ROBO2: variants seen among roughly 807,000 people sequenced by gnomAD.
ROBO2 encodes roundabout guidance receptor 2.
A neutral mutation model predicts 160.8 loss-of-function variants in ROBO2; 53 were observed. The ratio of observed to expected loss-of-function variants is 0.33; its 90% confidence interval spans 0.26 to 0.41. The LOEUF (loss-of-function observed/expected upper bound fraction) is 0.41, where lower values mean the gene tolerates loss of function less well. Ranked by LOEUF, ROBO2 falls within the 10% of genes least tolerant of loss-of-function variation. The pLI, the probability that ROBO2 is intolerant of heterozygous loss-of-function variation, is 1.00. For synonymous variants in ROBO2, 664 were observed against 611.7 expected (o/e 1.09, Z -1.26); for missense variants, 1,577 against 1,722.4 (o/e 0.92, Z 1.49).
chr3:76,410,511 C>CAT (rs2075431687), intron 2 of ROBO2, among the ~76,000 whole-genome samples: 1 of 152,096 alleles, frequency 6.6e-6, no homozygotes, highest in Admixed American at 6.6e-5. Context: ...TTTCACAGAT[C>CAT]TAATCTGCAT....
At chr3:77,220,463 A>T (rs62253268) in intron 2 of ROBO2, among the ~76,000 whole-genome samples, 4,192 of 152,272 alleles carry the variant, frequency 0.028, 65 homozygotes, top group Middle Eastern at 0.055. Context: ...AATGCTTTAC[A>T]TATATTAAAA....
intron 4 of ROBO2, 94 bp from the exon 5 acceptor site, chr3:77,493,150 A>G (rs1398147224): frequency 7.3e-7 from 1 of 1,377,118 alleles, no homozygotes; most frequent in South Asian, 1.2e-5. Flanking sequence ...GTGTACCAAA[A>G]GTAAATTAGG....
chr3:77,520,532 C>T (rs971901836), intron 5 of ROBO2, among the ~76,000 whole-genome samples: 20 of 151,008 alleles, frequency 1.3e-4, no homozygotes. Context: ...CTTTTATTAA[C>T]TTGGAATCAT....
At position 77,328,693 on chromosome 3, in the gene ROBO2, C is replaced by T. The variant is rs189971022; in HGVS notation, c.389-148721C>T. On this transcript the variant is annotated intron_variant, in intron 2 of 25. Coordinates refer to ENST00000461745, the Ensembl canonical transcript of ROBO2. ...TTCAGAACCTTTTCACATTGCATTG[C>T]CCCTGTTAATGTTTCACAACACTTT... Among the ~76,000 whole-genome samples the T allele has an allele frequency of 1.2e-3, 186 of 152,060 alleles. 1 individual carries two copies. The highest frequency in any genetic ancestry group is 4.0e-3 in the African/African-American group (167 of 41,494).
chr3:77,282,004 G>T (rs558046062), intron 2 of ROBO2, among the ~76,000 whole-genome samples: 27 of 152,262 alleles, frequency 1.8e-4, no homozygotes, highest in African/African-American at 6.5e-4. Flanking sequence ...CCCCGGGGCT[G>T]TGGACCCCTG....
chr3:76,096,505 C>A (rs1290734135), intron 2 of ROBO2, among the ~76,000 whole-genome samples: 4 of 152,164 alleles, frequency 2.6e-5, no homozygotes, highest in African/African-American at 9.7e-5. Context: ...CATGATTCAA[C>A]AGTAGAATCC....
At chr3:77,140,826 G>T (rs1354663539) in intron 2 of ROBO2, among the ~76,000 whole-genome samples, 2 of 151,766 alleles carry the variant, frequency 1.3e-5, no homozygotes, top group Non-Finnish European at 2.9e-5. Context: ...ACTTTTTAGG[G>T]GCTTTCTGTT....
intron 2 of ROBO2, among the ~76,000 whole-genome samples, chr3:75,940,305 A>G (rs983190224): frequency 1.3e-5 from 2 of 152,186 alleles, no homozygotes; most frequent in East Asian, 1.9e-4. Flanking sequence ...TGATATAAGA[A>G]ATGCAGTCTG....
intron 2 of ROBO2, among the ~76,000 whole-genome samples, chr3:76,467,903 AATAT>A (rs1248810164): frequency 3.3e-5 from 5 of 152,276 alleles, no homozygotes; most frequent in Non-Finnish European, 5.9e-5. Context: ...ATTCAGTGGC[AATAT>A]ATTTGAGATG....
At position 76,898,414 on chromosome 3, in the gene ROBO2, C is replaced by T. The variant is rs574767649; in HGVS notation, c.110-199600C>T. Among the ~76,000 whole-genome samples, 5 of 152,114 alleles carry T rather than the reference C, an allele frequency of 3.3e-5. No homozygotes were observed. The East Asian group carries it at 9.7e-4, about 29-fold the overall frequency. ...TAAAAGACTTACTCTTAAGATGGCA[C>T]ATATAATTTATAAATAATATGTATA... On this transcript the variant is annotated intron_variant, in intron 2 of 26. Transcript: ENST00000487694.
chr3:76,640,908 A>AT (rs1553849350), intron 2 of ROBO2, among the ~76,000 whole-genome samples: 2 of 152,238 alleles, frequency 1.3e-5, no homozygotes, highest in Non-Finnish European at 2.9e-5. Context: ...AGCCAAGATC[A>AT]TTTGAGCGGC....
rs145458212 is a variant in ROBO2, at chr3:76,209,456, C to T, written c.109+271854C>T. On this transcript the variant is annotated intron_variant, in intron 2 of 26. Transcript: ENST00000487694. ...TGCAGCCAGTACATTATATAAATATCGAATAATTTATCTGTATGGTATAGG... is the reference window on the plus strand; with the variant it reads ...TGCAGCCAGTACATTATATAAATATTGAATAATTTATCTGTATGGTATAGG... Among the ~76,000 whole-genome samples the T allele has an allele frequency of 6.6e-3, 1,010 of 151,998 alleles. 6 individuals are homozygous for T. The highest frequency in any genetic ancestry group is 0.014 in the Middle Eastern group (4 of 294).
chr3:77,322,960 A>T (rs2064935765), intron 2 of ROBO2, among the ~76,000 whole-genome samples: 1 of 127,594 alleles, frequency 7.8e-6, no homozygotes, highest in Non-Finnish European at 1.6e-5. Flanking sequence ...TATTATGGAT[A>T]ATATAATATA....
At chr3:76,280,513 T>A (rs961772480) in intron 2 of ROBO2, among the ~76,000 whole-genome samples, 4 of 152,108 alleles carry the variant, frequency 2.6e-5, no homozygotes, top group Non-Finnish European at 4.4e-5. Context: ...GCTCCTAGAC[T>A]TTTTAGTCTC....
At chr3:76,028,659 A>G (rs547233490) in intron 2 of ROBO2, among the ~76,000 whole-genome samples, 35 of 152,096 alleles carry the variant, frequency 2.3e-4, no homozygotes, top group Non-Finnish European at 3.7e-4. Context: ...GGTGCGGTAT[A>G]AAATTCCAGT....
At chr3:76,945,040 C>T (rs2078438568) in intron 2 of ROBO2, among the ~76,000 whole-genome samples, 3 of 151,786 alleles carry the variant, frequency 2.0e-5, no homozygotes, top group South Asian at 2.1e-4. Flanking sequence ...AGGCGCCCGC[C>T]ACCACGCCCG....
At chr3:76,781,753 G>A (rs574598415) in intron 2 of ROBO2, among the ~76,000 whole-genome samples, 78 of 150,812 alleles carry the variant, frequency 5.2e-4, no homozygotes, top group African/African-American at 1.8e-3. Context: ...TGATCATAGC[G>A]AATGATTCTT....
chr3:76,830,162 A>C (rs1371848741), intron 2 of ROBO2, among the ~76,000 whole-genome samples: 2 of 152,026 alleles, frequency 1.3e-5, no homozygotes, highest in East Asian at 3.9e-4. Context: ...GCTACAACTC[A>C]ACTGTCCCCC....
At chr3:76,842,899 T>C (rs1205685678) in intron 2 of ROBO2, among the ~76,000 whole-genome samples, 1 of 152,138 alleles carries the variant, frequency 6.6e-6, no homozygotes, top group African/African-American at 2.4e-5. Context: ...GCTTTTCTAT[T>C]CAAGAAGCAG....
Sources: gnomAD v4.1 joint callset for allele counts (sites outside exome capture counted in the v4.1 genomes callset) on GRCh38, gnomAD v4.1.1 for gene constraint, MANE v1.5 for transcripts, NCBI Gene and HGNC (gene_info 2026-07-23, HGNC 2026-07-21) for gene names.